Variants in HYCC1 observed in about 807,000 individuals in gnomAD.
HYCC1 encodes hyccin.
the HYCC1 span, among the ~76,000 whole-genome samples, chr7:22,897,012 G>T: frequency 6.6e-6 from 1 of 152,200 alleles, no homozygotes; most frequent in African/African-American, 2.4e-5. Flanking sequence ...AGCGGTTGGG[G>T]TGGGGGAAGG....
the HYCC1 span, chr7:22,941,023 G>A: frequency 6.6e-6 from 1 of 151,946 alleles, no homozygotes; most frequent in Non-Finnish European, 1.5e-5. Flanking sequence ...CTGGTGCATG[G>A]CCCATAGAGC....
At chr7:22,943,397 T>A in the HYCC1 span, 1 of 152,158 alleles carries the variant, frequency 6.6e-6, no homozygotes, top group African/African-American at 2.4e-5. Flanking sequence ...AGAATGCAAA[T>A]TCTGATTTAG....
chr7:23,013,397 C>A, the HYCC1 span, among the ~76,000 whole-genome samples: 1 of 152,310 alleles, frequency 6.6e-6, no homozygotes, highest in South Asian at 2.1e-4. Context: ...GGCGGGGGGT[C>A]GACAGTGACC....
the HYCC1 span, among the ~76,000 whole-genome samples, chr7:22,901,221 CA>C: frequency 2.3e-3 from 50 of 21,520 alleles, no homozygotes; most frequent in South Asian, 9.9e-3. Flanking sequence ...GACCCTGTCT[CA>C]AAAAAAAAAA....
At chr7:22,950,746 T>C in the HYCC1 span, among the ~76,000 whole-genome samples, 1 of 151,928 alleles carries the variant, frequency 6.6e-6, no homozygotes, top group Non-Finnish European at 1.5e-5. Context: ...ATGGCATATA[T>C]AGCTAAAGAG....
chr7:22,927,397 C>T, the HYCC1 span, among the ~76,000 whole-genome samples: 1 of 152,076 alleles, frequency 6.6e-6, no homozygotes, highest in Non-Finnish European at 1.5e-5. Context: ...AATCCAGGAG[C>T]TGGTTTTTTG....
the HYCC1 span, among the ~76,000 whole-genome samples, chr7:22,981,827 T>C: frequency 6.6e-6 from 1 of 152,212 alleles, no homozygotes; most frequent in African/African-American, 2.4e-5. Flanking sequence ...TGTGAGTTCA[T>C]GTTAGTCATG....
At chr7:22,940,349 T>A in the HYCC1 span, 2 of 148,984 alleles carry the variant, frequency 1.3e-5, no homozygotes, top group Non-Finnish European at 3.0e-5. Context: ...CCTCCCAGAT[T>A]CAAGTGATTC....
the HYCC1 span, among the ~76,000 whole-genome samples, chr7:22,980,927 C>T: frequency 1.3e-5 from 2 of 152,188 alleles, no homozygotes; most frequent in East Asian, 3.8e-4. Flanking sequence ...ATATAAACTG[C>T]CTCTTTATAA....
chr7:22,927,566 A>T, the HYCC1 span, among the ~76,000 whole-genome samples: 1 of 152,244 alleles, frequency 6.6e-6, no homozygotes, highest in African/African-American at 2.4e-5. Context: ...CCTCTACGCA[A>T]ATAAACTAGA....
chr7:22,965,387 C>T, the HYCC1 span, among the ~76,000 whole-genome samples: 7 of 150,038 alleles, frequency 4.7e-5, no homozygotes, highest in Non-Finnish European at 1.0e-4. Context: ...TTGCATGCTA[C>T]CTAAACATGA....
the HYCC1 span, among the ~76,000 whole-genome samples, chr7:22,901,386 CAT>C: frequency 6.6e-6 from 1 of 151,844 alleles, no homozygotes; most frequent in Non-Finnish European, 1.5e-5. Flanking sequence ...TAAGCCCTGA[CAT>C]ATCAATAATT....
the HYCC1 span, among the ~76,000 whole-genome samples, chr7:22,953,416 A>T: frequency 2.0e-5 from 3 of 151,962 alleles, no homozygotes; most frequent in African/African-American, 7.2e-5. Flanking sequence ...CCTTAGTAAA[A>T]ATGTAGAATA....
chr7:22,946,262 C>T, the HYCC1 span: 1 of 912,110 alleles, frequency 1.1e-6, no homozygotes, highest in Non-Finnish European at 1.7e-6. Flanking sequence ...ATAAATTAAG[C>T]TTTAGCATAA....
chr7:22,910,295 G>A, the HYCC1 span, among the ~76,000 whole-genome samples: 7 of 152,124 alleles, frequency 4.6e-5, no homozygotes, highest in East Asian at 1.3e-3. Flanking sequence ...GTTCACAAGA[G>A]AGCTAGTTGG....
chr7:22,992,873 A>C, the HYCC1 span, among the ~76,000 whole-genome samples: 1 of 152,172 alleles, frequency 6.6e-6, no homozygotes, highest in Non-Finnish European at 1.5e-5. Context: ...AATTTTTCAA[A>C]AATTAAAAGA....
the HYCC1 span, among the ~76,000 whole-genome samples, chr7:23,002,164 A>ATATATACAAT: frequency 4.6e-3 from 121 of 26,140 alleles, 2 homozygotes; most frequent in African/African-American, 0.01. Context: ...ATATATATAT[A>ATATATACAAT]TATATATATA....
the HYCC1 span, among the ~76,000 whole-genome samples, chr7:22,946,460 T>C: frequency 2.4e-4 from 36 of 152,104 alleles, no homozygotes; most frequent in East Asian, 5.2e-3. Flanking sequence ...TAAGAAACAA[T>C]TAGAAATATC....
chr7:22,985,833 T>C, the HYCC1 span: 1 of 148,810 alleles, frequency 6.7e-6, no homozygotes, highest in Non-Finnish European at 1.5e-5. Flanking sequence ...ATAATTTATA[T>C]ATATAAAATG....
Sources: gnomAD v4.1 joint callset for allele counts (sites outside exome capture counted in the v4.1 genomes callset) on GRCh38, gnomAD v4.1.1 for gene constraint, MANE v1.5 for transcripts, NCBI Gene and HGNC (gene_info 2026-07-23, HGNC 2026-07-21) for gene names.